RPL3L: variants seen among roughly 807,000 people sequenced by gnomAD.
RPL3L encodes ribosomal protein uL3-like.
A neutral mutation model predicts 44.5 loss-of-function variants in RPL3L; 44 were observed. That is an observed-to-expected ratio of 0.99 (90% CI 0.78 to 1.27). The LOEUF is 1.27. Ranked by LOEUF, RPL3L falls within the 50% of genes most tolerant of loss-of-function variation. The pLI is 0.00. For synonymous variants in RPL3L, 292 were observed against 230.7 expected (o/e 1.27, Z -2.41); for missense variants, 631 against 569.1 (o/e 1.11, Z -1.11).
rs531858261 is a variant in RPL3L, at chr16:1,951,101, C to G, written c.366-122G>C. On this transcript the variant is annotated intron_variant, in intron 3 of 9. Coordinates refer to ENST00000268661, the MANE Select transcript of RPL3L (RefSeq NM_005061.3). Reference sequence around the variant, plus strand: ...GTCCTACCTCTGGGACCGCCCCCCACCCGGAGGCCTCTGAGCTGGTTCCAG... The same window carrying G: ...GTCCTACCTCTGGGACCGCCCCCCAGCCGGAGGCCTCTGAGCTGGTTCCAG... The G allele has an allele frequency of 1.3e-4, 168 of 1,330,714 alleles. No individual in the cohort carries two copies. In the African/African-American group the frequency reaches 1.8e-3, roughly 14 times the overall value. The allele number at this position is 1,330,714 out of a possible 1,614,324, so 82.4% of individuals were successfully genotyped here. A position where few individuals can be genotyped will look rare whatever the true frequency, so the allele number is the denominator to read the frequency against.
intron 1 of RPL3L, 39 bp downstream of exon 1, chr16:1,954,590 G>T: frequency 6.5e-7 from 1 of 1,533,296 alleles, no homozygotes; most frequent in African/African-American, 1.4e-5. Flanking sequence ...CAGAGTTCCA[G>T]CTCCAACCCC....
chr16:1,945,311 C>T (rs905835041), intron 9 of RPL3L, among the ~76,000 whole-genome samples, 188 bp downstream of exon 9: 3 of 145,564 alleles, frequency 2.1e-5, no homozygotes, highest in Non-Finnish European at 4.5e-5. Flanking sequence ...GCCAAGATCA[C>T]GGCACAGCAC....
chr16:1,947,873 C>G (rs2531334), intron 4 of RPL3L, among the ~76,000 whole-genome samples: 99,139 of 151,292 alleles, frequency 0.66, 34,887 homozygotes, highest in East Asian at 0.92. Flanking sequence ...GGGGCGTGGG[C>G]CAGCACCTGG....
chr16:1,952,828 G>A (rs2150865600), intron 3 of RPL3L, 46 bp downstream of exon 3: 1 of 1,604,466 alleles, frequency 6.2e-7, no homozygotes. Flanking sequence ...CCCAACTTCT[G>A]TGGTCCCAGC....
intron 4 of RPL3L, 42 bp from the exon 5 acceptor site, chr16:1,947,422 C>T (rs757385354): frequency 3.4e-6 from 5 of 1,486,416 alleles, no homozygotes; most frequent in Admixed American, 2.3e-5. Context: ...CCCACGGGAT[C>T]ACACCCCCAC....
intron 4 of RPL3L, 71 bp downstream of exon 4, chr16:1,950,773 C>T: frequency 6.2e-7 from 1 of 1,607,894 alleles, no homozygotes; most frequent in Non-Finnish European, 8.5e-7. Flanking sequence ...ACATTTGCCA[C>T]AGCTCCTGGA....
Position 1,946,697 on chromosome 16 carries a change from C to T in RPL3L, c.879G>A (p.Met293Ile). The change falls in exon 7 of 10, where the codon ATG (methionine) becomes ATA (isoleucine). Residue 293 changes from methionine to isoleucine, a missense_variant. Met to Ile is a conservative substitution (Grantham distance 10). Transcript: ENST00000268661. ...KIFRIGRGPH[M>I]EDGKLVKNNA... ...TGTTCTTCACCAGCTTCCCGTCCTC[C>T]ATGTGCGGGCCCCTGCCGATGCGGA... 1 of 1,612,764 alleles carries T rather than the reference C, an allele frequency of 6.2e-7. No homozygotes were observed. The highest frequency in any genetic ancestry group is 8.5e-7 in the Non-Finnish European group (1 of 1,179,996).
intron 4 of RPL3L, among the ~76,000 whole-genome samples, chr16:1,949,677 G>A (rs2083155033): frequency 6.7e-6 from 1 of 148,350 alleles, no homozygotes; most frequent in South Asian, 2.2e-4. Context: ...GGTATGTATG[G>A]GGCAGGTATG....
chr16:1,946,667 T>C lies in RPL3L; in HGVS notation c.909A>G (p.Ala303=). ...TGGCAGTCACGTCGTAGCTGGTGGA[T>C]GCATTGTTCTTCACCAGCTTCCCGT... The part of the protein sequence containing the change: ...MEDGKLVKNN[A]STSYDVTAKS... The change falls in exon 7 of 10, where the codon GCA becomes GCG. Residue 303 remains alanine, a synonymous_variant. Coordinates refer to ENST00000268661, the MANE Select transcript of RPL3L (RefSeq NM_005061.3). 1.2e-6 allele frequency: 2 copies of C among 1,612,862 alleles called. No homozygotes were observed. The highest frequency in any genetic ancestry group is 1.3e-5 in the African/African-American group (1 of 75,070).
rs1299451583 is a variant in RPL3L, at chr16:1,947,174, C to G, written c.688+20G>C. ...CTCCAGGCAGCCTGCCCTGGAGCTGCCATCCTCACTGAGCCCTACCTTTGA... is the reference window on the plus strand; with the variant it reads ...CTCCAGGCAGCCTGCCCTGGAGCTGGCATCCTCACTGAGCCCTACCTTTGA... On this transcript the variant is annotated intron_variant, in intron 5 of 9. Transcript: ENST00000268661. The G allele has an allele frequency of 1.9e-6, 3 of 1,612,704 alleles. No homozygotes were observed. Among genetic ancestry groups the G allele is most frequent in the African/African-American group, 2.7e-5 (2 of 74,986 alleles).
Position 1,952,900 on chromosome 16 carries a change from C to G in RPL3L, c.339G>C (p.Glu113Asp). Reference protein sequence around the residue: ...KTIFAEHLSDECRRRFYKDWH... With the variant: ...KTIFAEHLSDDCRRRFYKDWH... ...AGTCCTTGTAGAATCGGCGCCGGCA[C>G]TCATCACTGAGGTGTTCTGCAAAGA... Residue 113 changes from glutamate (E) to aspartate (D), a missense_variant, in exon 3 of 10, where the codon GAG becomes GAC. Coordinates refer to ENST00000268661, the MANE Select transcript of RPL3L (RefSeq NM_005061.3). 6.2e-7 allele frequency: 1 copy of G among 1,613,998 alleles called. No individual in the cohort carries two copies. Among genetic ancestry groups the G allele is most frequent in the South Asian group, 1.1e-5 (1 of 91,090 alleles).
At chr16:1,945,784 A>G (rs1328498897) in intron 8 of RPL3L, 51 bp downstream of exon 8, 3 of 1,608,560 alleles carry the variant, frequency 1.9e-6, no homozygotes, top group Non-Finnish European at 1.7e-6. Flanking sequence ...AGGGCAGGAC[A>G]GGCTGGCAGC....
At position 1,946,704 on chromosome 16, in the gene RPL3L, G is replaced by T. The variant is rs34265469; in HGVS notation, c.872C>A (p.Pro291Gln). Residue 291 changes from proline to glutamine, a missense_variant, in exon 7 of 10, where the codon CCG (proline) becomes CAG (glutamine). Pro to Gln is a moderately conservative substitution (Grantham distance 76). Coordinates refer to ENST00000268661, the MANE Select transcript of RPL3L (RefSeq NM_005061.3). ...NKKIFRIGRG[P>Q]HMEDGKLVKN... The stretch of plus-strand genomic sequence containing the variant: ...CACCAGCTTCCCGTCCTCCATGTGC[G>T]GGCCCCTGCCGATGCGGAAGATCTG... The T allele has an allele frequency of 1.2e-6, 2 of 1,612,574 alleles. No individual in the cohort carries two copies. The highest frequency in any genetic ancestry group is 1.7e-6 in the Non-Finnish European group (2 of 1,179,948).
chr16:1,945,139 A>C (rs1439221221), intron 9 of RPL3L, among the ~76,000 whole-genome samples: 2 of 151,976 alleles, frequency 1.3e-5, no homozygotes, highest in Non-Finnish European at 2.9e-5. Context: ...TCGGATCATG[A>C]GGTCAGGAGA....
chr16:1,953,162 TC>T, intron 2 of RPL3L, 120 bp from the exon 3 acceptor site: 1 of 1,020,440 alleles, frequency 9.8e-7, no homozygotes, highest in Non-Finnish European at 1.4e-6. Flanking sequence ...AGGACAGCAT[TC>T]CCCAGAGGGT....
intron 7 of RPL3L, 139 bp downstream of exon 7, chr16:1,946,486 A>G: frequency 1.2e-6 from 1 of 848,196 alleles, no homozygotes; most frequent in Non-Finnish European, 1.8e-6. Flanking sequence ...AAAAATCTTG[A>G]GCCCTTGGGG....
At chr16:1,948,776 C>T (rs1369451159) in intron 4 of RPL3L, among the ~76,000 whole-genome samples, 1 of 151,324 alleles carries the variant, frequency 6.6e-6, no homozygotes, top group South Asian at 2.1e-4. Flanking sequence ...AGTGCAGTGG[C>T]GCAATCTCGG....
rs188032622 is a variant in RPL3L, at chr16:1,950,367, G to T, written c.501+477C>A. Among the ~76,000 whole-genome samples the T allele has an allele frequency of 1.8e-3, 279 of 152,074 alleles. 1 individual carries two copies. Among genetic ancestry groups the T allele is most frequent in the Non-Finnish European group, 3.1e-3 (209 of 67,956 alleles). ...GCGAGCAGCTGGGGGCAGTGTGGGG[G>T]CTGTGGGAAGCTCAGGGTCGGGGGC... On this transcript the variant is annotated intron_variant, in intron 4 of 9. Coordinates refer to ENST00000268661, the MANE Select transcript of RPL3L (RefSeq NM_005061.3).
rs774401423 is a variant in RPL3L, at chr16:1,947,183, C to T, written c.688+11G>A. The T allele has an allele frequency of 6.2e-7, 1 of 1,612,894 alleles. No individual in the cohort carries two copies. The highest frequency in any genetic ancestry group is 1.1e-5 in the South Asian group (1 of 91,062). On this transcript the variant is annotated intron_variant, in intron 5 of 9. Coordinates refer to ENST00000268661, the MANE Select transcript of RPL3L (RefSeq NM_005061.3). ...GCCTGCCCTGGAGCTGCCATCCTCA[C>T]TGAGCCCTACCTTTGACGCCTCGAC... is the stretch of plus-strand genomic sequence containing the variant.
Sources: allele counts gnomAD v4.1 joint callset (sites outside exome capture counted in the v4.1 genomes callset), GRCh38; gene constraint gnomAD v4.1.1; transcripts MANE v1.5; gene names NCBI Gene and HGNC (gene_info 2026-07-23, HGNC 2026-07-21).